PCDHA1: variants seen among roughly 807,000 people sequenced by gnomAD.
PCDHA1 encodes the protein protocadherin alpha-1.
In PCDHA1, 42 loss-of-function variants were observed where a neutral mutation model predicts 61.3. That is an observed-to-expected ratio of 0.69 (90% CI 0.54 to 0.89). The LOEUF (loss-of-function observed/expected upper bound fraction) is 0.89, where lower values mean the gene tolerates loss of function less well. Among genes scored for constraint, PCDHA1 ranks in the 40% least tolerant of loss-of-function variants. The pLI is 0.00. For missense variants in PCDHA1, 1,256 were observed against 1,235.3 expected, an observed-to-expected ratio of 1.02 and a Z score of -0.25; for synonymous variants, 610 against 553.8, an observed-to-expected ratio of 1.10 and a Z score of -1.43.
At chr5:140,884,252 A>T (rs782059444) in intron 1 of PCDHA1, 36 of 1,613,334 alleles carry the variant, frequency 2.2e-5, no homozygotes, top group Non-Finnish European at 2.9e-5. Context: ...GCTGACGGCC[A>T]CGGCAACGGT....
chr5:140,941,214 C>CTTTCT (rs1554214039), intron 1 of PCDHA1, among the ~76,000 whole-genome samples: 174 of 122,492 alleles, frequency 1.4e-3, no homozygotes, highest in African/African-American at 5.3e-3. Flanking sequence ...TTTCTTTCTT[C>CTTTCT]CTTTCTTTCT....
At chr5:140,898,900 C>T (rs1257410263) in intron 1 of PCDHA1, among the ~76,000 whole-genome samples, 2 of 151,396 alleles carry the variant, frequency 1.3e-5, no homozygotes, top group Non-Finnish European at 3.0e-5. Context: ...TGAAGAGGTC[C>T]TTCACGTCCC....
chr5:140,953,002 T>C (rs1019745922), intron 1 of PCDHA1, among the ~76,000 whole-genome samples: 5 of 152,142 alleles, frequency 3.3e-5, no homozygotes, highest in African/African-American at 1.2e-4. Flanking sequence ...ACTCTCTCAC[T>C]ATTATGAGAA....
chr5:140,822,384 A>G, intron 1 of PCDHA1: 1 of 1,614,130 alleles, frequency 6.2e-7, no homozygotes, highest in Admixed American at 1.7e-5. Flanking sequence ...ATAGAGAAGA[A>G]ACACAAGAAC....
chr5:140,843,622 G>T, intron 1 of PCDHA1: 2 of 1,596,026 alleles, frequency 1.3e-6, no homozygotes, highest in Non-Finnish European at 1.7e-6. Flanking sequence ...CACCGAAGAC[G>T]GACCTCATGG....
chr5:140,933,653 G>GTC (rs1245688430), intron 1 of PCDHA1, among the ~76,000 whole-genome samples: 13 of 151,864 alleles, frequency 8.6e-5, no homozygotes, highest in African/African-American at 2.7e-4. Flanking sequence ...TGGAAATCCT[G>GTC]TCTCTCTCTC....
chr5:140,896,390 C>A, intron 1 of PCDHA1, among the ~76,000 whole-genome samples: 1 of 152,124 alleles, frequency 6.6e-6, no homozygotes, highest in Non-Finnish European at 1.5e-5. Flanking sequence ...ACCTCACCAG[C>A]ATCTGTTATT....
chr5:140,822,759 A>G, intron 1 of PCDHA1: 2 of 1,614,030 alleles, frequency 1.2e-6, no homozygotes, highest in Non-Finnish European at 1.7e-6. Context: ...GTACATTCCC[A>G]TTATCAGGAC....
chr5:140,808,011 G>A (rs1764081546), intron 1 of PCDHA1: 1 of 1,613,630 alleles, frequency 6.2e-7, no homozygotes, highest in Non-Finnish European at 8.5e-7. Context: ...GGATTGAATG[G>A]GGACATTGTT....
At position 141,010,354 on chromosome 5, in the gene PCDHA1, C is replaced by A. The variant is rs1359778786; in HGVS notation, c.*417C>A. On this transcript the variant is annotated 3_prime_UTR_variant, in exon 4 of 4. Coordinates refer to ENST00000504120, the MANE Select transcript of PCDHA1 (RefSeq NM_018900.4). ...GTTTGTGGCCACTGGGTATGTGTGG[C>A]TACCGCGGGTATGCGAGTGCCAGAT... The A allele has an allele frequency of 2.0e-6, 3 of 1,506,078 alleles. No homozygotes were observed. The highest frequency in any genetic ancestry group is 4.4e-5 in the Admixed American group (2 of 45,166). 93.3% of individuals were successfully genotyped at this position (1,506,078 alleles called of 1,614,324 possible).
At chr5:140,958,294 A>G (rs1324756311) in intron 1 of PCDHA1, among the ~76,000 whole-genome samples, 1 of 152,142 alleles carries the variant, frequency 6.6e-6, no homozygotes, top group African/African-American at 2.4e-5. Context: ...ATATTATTGA[A>G]CTTAATTAAA....
At chr5:140,858,750 C>T (rs1397058081) in intron 1 of PCDHA1, 3 of 453,980 alleles carry the variant, frequency 6.6e-6, no homozygotes, top group South Asian at 3.1e-5. Flanking sequence ...AATCACTTTT[C>T]GTTACAAATA....
At position 140,877,488 on chromosome 5, in the gene PCDHA1, C is replaced by G. The variant is rs781785108; in HGVS notation, c.2394+88804C>G. ...CGGTGCTGGTGTCGCTGGTGGAGAA[C>G]GGCCAGGCCCCAAAGACGTCGTCGC... On this transcript the variant is annotated intron_variant, in intron 1 of 3. Transcript: ENST00000504120. 6.2e-6 allele frequency: 10 copies of G among 1,613,856 alleles called. No homozygotes were observed. In the South Asian group the frequency reaches 1.1e-4, roughly 18 times the overall value.
intron 1 of PCDHA1, among the ~76,000 whole-genome samples, chr5:140,938,877 ACACACACACACACAGATGCG>A (rs1350432569): frequency 6.6e-6 from 1 of 150,854 alleles, no homozygotes; most frequent in Non-Finnish European, 1.5e-5. Flanking sequence ...TTAAGAAGCA[ACACACACACACACAGATGCG>A]CACACACACA....
intron 1 of PCDHA1, among the ~76,000 whole-genome samples, chr5:140,976,317 G>A (rs1284415282): frequency 6.6e-6 from 1 of 152,212 alleles, no homozygotes; most frequent in Admixed American, 6.5e-5. Context: ...TTGGGAGGCC[G>A]AGGAGGGTGG....
intron 1 of PCDHA1, among the ~76,000 whole-genome samples, chr5:140,890,365 T>A: frequency 6.6e-6 from 1 of 152,216 alleles, no homozygotes; most frequent in Non-Finnish European, 1.5e-5. Context: ...ATGGATAACC[T>A]GAACAAGTAC....
intron 1 of PCDHA1, chr5:140,929,073 T>C (rs782591499): frequency 1.9e-6 from 3 of 1,614,200 alleles, no homozygotes; most frequent in Non-Finnish European, 2.5e-6. Flanking sequence ...ATCTGAGGTA[T>C]GGAAGTAAGA....
At chr5:140,802,031 G>A (rs1762832590) in intron 1 of PCDHA1, 2 of 1,614,152 alleles carry the variant, frequency 1.2e-6, no homozygotes, top group Non-Finnish European at 1.7e-6. Context: ...AGGATATCGC[G>A]TATTCTTTCA....
chr5:140,894,572 T>C (rs2064553478), intron 1 of PCDHA1, among the ~76,000 whole-genome samples: 2 of 152,010 alleles, frequency 1.3e-5, no homozygotes, highest in Admixed American at 6.5e-5. Flanking sequence ...TATTTTCCTT[T>C]TTTTTAATAT....
Sources: allele counts gnomAD v4.1 joint callset (sites outside exome capture counted in the v4.1 genomes callset), GRCh38; gene constraint gnomAD v4.1.1; transcripts MANE v1.5; gene names NCBI Gene and HGNC (gene_info 2026-07-23, HGNC 2026-07-21).